Variants in MCF2L observed in about 807,000 individuals in gnomAD.
MCF2L encodes the protein guanine nucleotide exchange factor DBS.
In MCF2L, 97 loss-of-function variants were observed where a neutral mutation model predicts 153.4. The ratio of observed to expected loss-of-function variants is 0.63; its 90% CI spans 0.54 to 0.75. The LOEUF is 0.75. Ranked by LOEUF, MCF2L falls within the 30% of genes least tolerant of loss-of-function variation. The pLI is 0.00. For synonymous variants in MCF2L, 659 were observed against 632.2 expected (o/e 1.04, Z -0.64); for missense variants, 1,347 against 1,495.2 (o/e 0.90, Z 1.64).
At chr13:112,985,544 C>A in intron 1 of MCF2L, 1 of 453,678 alleles carries the variant, frequency 2.2e-6, no homozygotes. Context: ...GAGGCGGCCT[C>A]TGGGTGAGGC....
At chr13:113,006,688 G>A (rs2083718662) in intron 1 of MCF2L, among the ~76,000 whole-genome samples, 1 of 152,226 alleles carries the variant, frequency 6.6e-6, no homozygotes, top group African/African-American at 2.4e-5. Flanking sequence ...GGGCTGGCGG[G>A]AGACACTAAG....
Position 113,081,265 on chromosome 13 carries a change from C to G in MCF2L, c.1861C>G (p.Leu621Val). 2 of 1,588,752 alleles carry G rather than the reference C, an allele frequency of 1.3e-6. No homozygotes were observed. Among genetic ancestry groups the G allele is most frequent in the Non-Finnish European group, 1.7e-6 (2 of 1,168,696 alleles). ...AGAACGGGCCTACGTGGAGGAGCTG[C>G]TGTGCGTCCTGGAGGTGAGGCTGGA... ...DTERAYVEEL[L>V]CVLEGYAAEM... Residue 621 changes from leucine to valine, a missense_variant, in exon 16 of 30, where the codon CTG (leucine) becomes GTG (valine). This residue lies in a region of MCF2L where 820 missense variants were observed against 921.2 expected (regional missense o/e 0.89). Transcript: ENST00000535094.
At chr13:113,022,995 G>A (rs1166574482) in intron 2 of MCF2L, among the ~76,000 whole-genome samples, 1 of 152,232 alleles carries the variant, frequency 6.6e-6, no homozygotes, top group African/African-American at 2.4e-5. Context: ...AAGAGCCCTC[G>A]AGGGCTGGGA....
At chr13:113,001,790 C>A in intron 1 of MCF2L, 2 of 1,421,836 alleles carry the variant, frequency 1.4e-6, no homozygotes, top group Admixed American at 2.6e-5. Flanking sequence ...CCAGCAAACC[C>A]AGGAAGGTGT....
intron 2 of MCF2L, among the ~76,000 whole-genome samples, chr13:112,924,786 C>A (rs1158385906): frequency 6.6e-6 from 1 of 152,056 alleles, no homozygotes; most frequent in Admixed American, 6.5e-5. Flanking sequence ...CTGAGAAAAC[C>A]CTGGAGAGTA....
chr13:113,006,884 G>T (rs571214478), intron 1 of MCF2L, among the ~76,000 whole-genome samples: 1 of 152,352 alleles, frequency 6.6e-6, no homozygotes, highest in East Asian at 1.9e-4. Flanking sequence ...GCGGGGTGTG[G>T]GGAGGCAGCG....
chr13:112,937,960 G>GA (rs2081534756), intron 2 of MCF2L, among the ~76,000 whole-genome samples: 1 of 91,272 alleles, frequency 1.1e-5, no homozygotes. Flanking sequence ...TTATTCAGGT[G>GA]ATCTCTGAGT....
chr13:113,001,505 C>T (rs904466451), intron 1 of MCF2L: 3 of 185,570 alleles, frequency 1.6e-5, no homozygotes, highest in Admixed American at 6.3e-5. Flanking sequence ...GCTCGGGGGA[C>T]GGATCTCTGC....
intron 2 of MCF2L, among the ~76,000 whole-genome samples, chr13:112,938,184 G>A (rs1362973764): frequency 8.1e-5 from 10 of 123,636 alleles, no homozygotes; most frequent in African/African-American, 1.8e-4. Flanking sequence ...TCAGGTGAGC[G>A]CTGAGGGGTT....
intron 1 of MCF2L, among the ~76,000 whole-genome samples, chr13:112,971,793 CT>C (rs781005738): frequency 6.6e-6 from 1 of 152,220 alleles, no homozygotes; most frequent in Non-Finnish European, 1.5e-5. Context: ...CAACTTCCCC[CT>C]GGCCCCCCTT....
chr13:112,954,565 T>C (rs2081734477), intron 2 of MCF2L, among the ~76,000 whole-genome samples: 1 of 152,222 alleles, frequency 6.6e-6, no homozygotes, highest in African/African-American at 2.4e-5. Context: ...ACTGCTTTGC[T>C]TGGAGCGAGC....
rs550446058 is a variant in MCF2L, at chr13:112,962,293, GTA to G, written c.170-52469_170-52468del. Among the ~76,000 whole-genome samples, 78 of 152,174 alleles carry G rather than the reference GTA, an allele frequency of 5.1e-4. No individual in the cohort carries two copies. The East Asian group carries it at 0.01, about 20-fold the overall frequency. ...TAGGCACAGATGCTCACACACGCAT[GTA>G]CACACACTCAGGCACATGCACATAC... On this transcript the variant is annotated intron_variant, in intron 2 of 29. Transcript: ENST00000375608.
rs147786310 is a variant in MCF2L, at chr13:113,066,110, C to A, written c.821C>A (p.Ala274Asp). 137 of 1,613,378 alleles carry A rather than the reference C, an allele frequency of 8.5e-5. No individual in the cohort carries two copies. The African/African-American group carries it at 1.7e-3, about 20-fold the overall frequency. Residue 274 changes from alanine (A) to aspartate (D), a missense_variant, in exon 8 of 30, where the codon GCT becomes GAT. By Grantham distance (126) the Ala-to-Asp change is moderately radical (BLOSUM62 -2). Around this residue, in one of 3 missense-constraint regions of MCF2L, gnomAD observed 820 missense variants for 921.2 expected, o/e 0.89. Transcript: ENST00000535094. ...SVLESLRELQAEGSEPSVNQD... is the reference protein window; with the variant it reads ...SVLESLRELQDEGSEPSVNQD... ...CTGGAGAGCCTCAGGGAGCTGCAGG[C>A]TGAGGGCTCAGAGCCCAGTGTGAAC...
At chr13:112,978,403 T>G (rs572631693) in intron 1 of MCF2L, among the ~76,000 whole-genome samples, 8 of 152,284 alleles carry the variant, frequency 5.3e-5, no homozygotes, top group African/African-American at 7.2e-5. Context: ...TATGTGGAGC[T>G]CTGTCTTTCC....
At position 113,099,582 on chromosome 13, in the gene MCF2L, A is replaced by T. The variant is rs766739667; in HGVS notation, c.*2723A>T. The T allele has an allele frequency of 4.6e-5, 7 of 152,242 alleles. No individual in the cohort carries two copies. Among genetic ancestry groups the T allele is most frequent in the Non-Finnish European group, 8.8e-5 (6 of 68,046 alleles). The allele number at this position is 152,242 out of a possible 1,614,324, so 9.4% of individuals were successfully genotyped here. On this transcript the variant is annotated 3_prime_UTR_variant, in exon 30 of 30. Transcript: ENST00000535094. ...AAGACTAGCGTAACCCAAAGAAAGT[A>T]TTTAAATACTTCTGTCAATTAGGAC...
At chr13:113,058,343 T>TGCTGTGTGTTTGGTCACTGAGTGGGC (rs2030650027) in intron 4 of MCF2L, among the ~76,000 whole-genome samples, 1 of 145,740 alleles carries the variant, frequency 6.9e-6, no homozygotes, top group Non-Finnish European at 1.5e-5. Flanking sequence ...GCTGAGTGGG[T>TGCTGTGTGTTTGGTCACTGAGTGGGC]GCTGTGTGTT....
At chr13:112,985,428 A>C (rs1399090481) in intron 1 of MCF2L, 1 of 471,108 alleles carries the variant, frequency 2.1e-6, no homozygotes, top group South Asian at 1.5e-5. Context: ...GGAAATGAAA[A>C]GCTACTACCT....
intron 1 of MCF2L, among the ~76,000 whole-genome samples, chr13:112,979,966 C>A (rs2082346497): frequency 1.3e-5 from 2 of 152,222 alleles, no homozygotes; most frequent in African/African-American, 4.8e-5. Flanking sequence ...TTGTTCATCT[C>A]TGGGTCGGCC....
chr13:112,990,655 C>T lies in MCF2L; in HGVS notation c.79+21197C>T, dbSNP rs144003772. ...AATTTTCAGAAAACCAAACTGCTTT[C>T]TGTGTGGAGCTAAGAACAAATGAAT... On this transcript the variant is annotated intron_variant, in intron 1 of 29. Coordinates refer to ENST00000535094, the MANE Select transcript of MCF2L (RefSeq NM_001112732.3). 1.3e-3 allele frequency among the ~76,000 whole-genome samples: 195 copies of T among 152,342 alleles called. 1 individual carries two copies. The highest frequency in any genetic ancestry group is 4.6e-3 in the African/African-American group (190 of 41,578).
Sources: allele counts gnomAD v4.1 joint callset (sites outside exome capture counted in the v4.1 genomes callset), GRCh38; gene constraint gnomAD v4.1.1; regional missense constraint gnomAD v4.1.1; transcripts MANE v1.5; gene names NCBI Gene and HGNC (gene_info 2026-07-23, HGNC 2026-07-21).